The following FUT8 variants were observed in gnomAD, a reference collection of about 807,000 sequenced individuals.
FUT8 encodes the protein fucosyltransferase 8.
A neutral mutation model predicts 71.3 loss-of-function variants in FUT8; 29 were observed. The observed-to-expected ratio is 0.41, with a 90% CI of 0.30 to 0.55. The LOEUF is 0.55. FUT8 is among the 20% of genes least tolerant of loss of function. The probability of loss-of-function intolerance (pLI) is 0.34; values close to 1 mark genes in which losing one functional copy is unlikely to be tolerated. For synonymous variants in FUT8, 254 were observed against 239.3 expected (o/e 1.06, Z -0.57); for missense variants, 544 against 702.1 (o/e 0.77, Z 2.55).
intron 2 of FUT8, among the ~76,000 whole-genome samples, chr14:65,543,551 AC>A (rs1480965570): frequency 1.3e-4 from 20 of 152,138 alleles, no homozygotes; most frequent in Non-Finnish European, 2.2e-4. Context: ...TTTAAAAAAA[AC>A]ATAGAGTGTT....
At chr14:65,426,648 C>G (rs1953080412) in intron 1 of FUT8, among the ~76,000 whole-genome samples, 1 of 152,160 alleles carries the variant, frequency 6.6e-6, no homozygotes, top group Admixed American at 6.5e-5. Flanking sequence ...AGGAGGACAT[C>G]ATTCACATGG....
chr14:65,528,443 C>G (rs531998851), intron 2 of FUT8, among the ~76,000 whole-genome samples: 1 of 152,300 alleles, frequency 6.6e-6, no homozygotes, highest in South Asian at 2.1e-4. Flanking sequence ...CCAGTGTCAT[C>G]TGTCACAGCT....
At position 65,553,046 on chromosome 14, in the gene FUT8, C is replaced by T. The variant is rs1299349374; in HGVS notation, c.-227-8291C>T. ...TCACGGCTCTCTGCAGCCTCAACCTCCAGGGCTCAAGTGATCCTCCCACCT... is the reference window on the plus strand; with the variant it reads ...TCACGGCTCTCTGCAGCCTCAACCTTCAGGGCTCAAGTGATCCTCCCACCT... On this transcript the variant is annotated intron_variant, in intron 2 of 10. Coordinates refer to ENST00000673929, the MANE Select transcript of FUT8 (RefSeq NM_001371533.1). 7.2e-5 allele frequency among the ~76,000 whole-genome samples: 11 copies of T among 152,130 alleles called. No homozygotes were observed. In the East Asian group the frequency reaches 2.1e-3, roughly 29 times the overall value.
intron 1 of FUT8, among the ~76,000 whole-genome samples, chr14:65,445,835 C>T (rs966449283): frequency 3.3e-5 from 5 of 152,264 alleles, no homozygotes; most frequent in Admixed American, 6.5e-5. Flanking sequence ...CACTATGTTG[C>T]CCAGGCTGGT....
chr14:65,486,585 A>G (rs2066412245), intron 2 of FUT8, among the ~76,000 whole-genome samples: 1 of 152,266 alleles, frequency 6.6e-6, no homozygotes, highest in Non-Finnish European at 1.5e-5. Flanking sequence ...GAGGGGGCTC[A>G]GAAGAATGCA....
chr14:65,612,326 A>G (rs1465932495), intron 3 of FUT8, among the ~76,000 whole-genome samples: 1 of 152,268 alleles, frequency 6.6e-6, no homozygotes. Context: ...TCTGGGGCAC[A>G]TTTTCCTGCT....
the FUT8 span, among the ~76,000 whole-genome samples, chr14:65,370,779 A>C: frequency 2.0e-5 from 3 of 152,104 alleles, no homozygotes; most frequent in African/African-American, 7.2e-5. Flanking sequence ...GCAAGAGAAA[A>C]ACAAACCGTT....
At chr14:65,647,894 A>C (rs189799432) in intron 6 of FUT8, among the ~76,000 whole-genome samples, 20 of 152,086 alleles carry the variant, frequency 1.3e-4, no homozygotes, top group Admixed American at 9.2e-4. Context: ...AAAAAAAAGA[A>C]GTCTCAGAAG....
intron 6 of FUT8, among the ~76,000 whole-genome samples, chr14:65,633,381 C>T (rs1890322220): frequency 6.6e-6 from 1 of 152,204 alleles, no homozygotes; most frequent in Admixed American, 6.5e-5. Context: ...ACCTCCACCT[C>T]CCAGCCGCCT....
Position 65,436,486 on chromosome 14 carries a change from C to A in FUT8, c.-325-19135C>A, listed in dbSNP as rs368607793. 1.3e-4 allele frequency among the ~76,000 whole-genome samples: 19 copies of A among 151,726 alleles called. 3 individuals carry two copies. The highest frequency in any genetic ancestry group is 4.4e-4 in the African/African-American group (18 of 41,366). ...TCTACTAAAAATACAAAAAATTAGC[C>A]AGGTGTGGTGGTGGGCGCCTGTAGT... On this transcript the variant is annotated intron_variant, in intron 1 of 10. Coordinates refer to ENST00000673929, the MANE Select transcript of FUT8 (RefSeq NM_001371533.1).
At chr14:65,425,665 G>A (rs530972423) in intron 1 of FUT8, among the ~76,000 whole-genome samples, 2 of 151,996 alleles carry the variant, frequency 1.3e-5, no homozygotes, top group Non-Finnish European at 2.9e-5. Context: ...TTGTGTGTTT[G>A]TGTGGTGAGA....
intron 6 of FUT8, among the ~76,000 whole-genome samples, chr14:65,659,407 T>C (rs1382503837): frequency 6.6e-6 from 1 of 152,130 alleles, no homozygotes; most frequent in Admixed American, 6.5e-5. Flanking sequence ...TAAGTACCAG[T>C]ACTACCCAGA....
intron 5 of FUT8, chr14:65,617,316 A>C (rs918563008): frequency 2.4e-5 from 25 of 1,040,624 alleles, no homozygotes. Context: ...GCATTAATGA[A>C]TCTACAGAAA....
chr14:65,611,766 T>C (rs576450891), intron 3 of FUT8, among the ~76,000 whole-genome samples: 6 of 152,286 alleles, frequency 3.9e-5, no homozygotes, highest in African/African-American at 1.4e-4. Flanking sequence ...GTTCAAGCAG[T>C]TCTCCTGCCT....
chr14:65,465,531 A>G (rs1274425040), intron 2 of FUT8, among the ~76,000 whole-genome samples: 1 of 152,174 alleles, frequency 6.6e-6, no homozygotes, highest in East Asian at 1.9e-4. Context: ...TAATTTCTCA[A>G]GACTATTTTT....
At chr14:65,399,349 T>C in the FUT8 span, among the ~76,000 whole-genome samples, 1 of 152,154 alleles carries the variant, frequency 6.6e-6, no homozygotes, top group African/African-American at 2.4e-5. Flanking sequence ...TAGTATTGCA[T>C]AGGCTCAGAC....
the FUT8 span, among the ~76,000 whole-genome samples, chr14:65,386,519 A>G: frequency 8.6e-5 from 13 of 151,438 alleles, no homozygotes; most frequent in Admixed American, 2.0e-4. Context: ...AAAAAAAAAA[A>G]AAAAAAAAAA....
At chr14:65,511,120 T>C (rs767830100) in intron 2 of FUT8, among the ~76,000 whole-genome samples, 1 of 152,148 alleles carries the variant, frequency 6.6e-6, no homozygotes, top group Non-Finnish European at 1.5e-5. Flanking sequence ...TTATCATTTG[T>C]TTCAAGGAAG....
intron 3 of FUT8, among the ~76,000 whole-genome samples, chr14:65,582,363 G>A (rs978799834): frequency 5.3e-5 from 8 of 151,876 alleles, no homozygotes; most frequent in South Asian, 2.1e-4. Context: ...TTGGCGTTTC[G>A]TGATCTCTGT....
Sources: allele counts gnomAD v4.1 joint callset (sites outside exome capture counted in the v4.1 genomes callset), GRCh38; gene constraint gnomAD v4.1.1; transcripts MANE v1.5; gene names NCBI Gene and HGNC (gene_info 2026-07-23, HGNC 2026-07-21).